Variants in BAZ1A observed in about 807,000 individuals in gnomAD.
BAZ1A encodes bromodomain adjacent to zinc finger domain 1A.
BAZ1A carries 50 observed loss-of-function variants against 185.2 expected under a neutral mutation model. That is an observed-to-expected ratio of 0.27 (90% CI 0.22 to 0.34). The LOEUF is 0.34. BAZ1A is among the 10% of genes least tolerant of loss of function. BAZ1A has a pLI of 1.00. For missense variants in BAZ1A, 1,356 were observed against 1,839.9 expected, an observed-to-expected ratio of 0.74 and a Z score of 4.81; for synonymous variants, 571 against 615.6, an observed-to-expected ratio of 0.93 and a Z score of 1.07.
chr14:34,820,679 A>C (rs1210942456), intron 4 of BAZ1A, among the ~76,000 whole-genome samples: 2 of 152,042 alleles, frequency 1.3e-5, no homozygotes, highest in East Asian at 1.9e-4. Context: ...CTTTTCTTCT[A>C]TCTTTTCTAG....
At chr14:34,775,562 C>G (rs368927846) in intron 18 of BAZ1A, among the ~76,000 whole-genome samples, 25 of 152,288 alleles carry the variant, frequency 1.6e-4, no homozygotes, top group African/African-American at 2.6e-4. Context: ...CAGCCAAAAC[C>G]CTTAATGAGT....
At chr14:34,754,090 T>C (rs1045916917) in intron 26 of BAZ1A, among the ~76,000 whole-genome samples, 1 of 147,778 alleles carries the variant, frequency 6.8e-6, no homozygotes, top group Admixed American at 6.8e-5. Flanking sequence ...CCATCTCTAC[T>C]AAAAATACAA....
At chr14:34,803,683 CA>C (rs1243356744) in intron 6 of BAZ1A, among the ~76,000 whole-genome samples, 3 of 152,086 alleles carry the variant, frequency 2.0e-5, no homozygotes, top group Admixed American at 6.6e-5. Context: ...ATATATTTAA[CA>C]TTAAAAATCT....
chr14:34,863,273 CCTGCCT>C (rs1822256086), intron 2 of BAZ1A, among the ~76,000 whole-genome samples: 1 of 149,022 alleles, frequency 6.7e-6, no homozygotes, highest in South Asian at 2.1e-4. Flanking sequence ...CAAGGATTCT[CCTGCCT>C]CAGCCTCCTT....
chr14:34,870,522 T>C (rs1313891900), intron 2 of BAZ1A, among the ~76,000 whole-genome samples: 1 of 152,222 alleles, frequency 6.6e-6, no homozygotes, highest in Non-Finnish European at 1.5e-5. Flanking sequence ...TGTTCTGATA[T>C]GTCCATTGAA....
intron 6 of BAZ1A, 44 bp downstream of exon 6, chr14:34,807,407 T>G: frequency 7.0e-7 from 1 of 1,418,530 alleles, no homozygotes; most frequent in Non-Finnish European, 9.8e-7. Flanking sequence ...ACACTACCCA[T>G]TTTGTTTTCT....
Position 34,783,796 on chromosome 14 carries a change from G to T in BAZ1A, c.1963C>A (p.Gln655Lys), listed in dbSNP as rs764995003. ...GCTTCTTCCCTCTCTTTTCGATGTTGTTCTGCTTTTAATTCCCGGAACTCC... is the reference window on the plus strand; with the variant it reads ...GCTTCTTCCCTCTCTTTTCGATGTTTTTCTGCTTTTAATTCCCGGAACTCC... ...KQEFRELKAEQHRKEREEAAA... is the reference protein window; with the variant it reads ...KQEFRELKAEKHRKEREEAAA... Residue 655 changes from glutamine (Q) to lysine (K), a missense_variant, in exon 15 of 27, where the codon CAA (glutamine) becomes AAA (lysine). This residue lies in a region of BAZ1A where 434 missense variants were observed against 561.7 expected (regional missense o/e 0.77). Transcript: ENST00000360310. 1 of 1,612,456 alleles carries T rather than the reference G, an allele frequency of 6.2e-7. No homozygotes were observed. The highest frequency in any genetic ancestry group is 2.2e-5 in the East Asian group (1 of 44,804).
At chr14:34,784,058 T>A in intron 14 of BAZ1A, 131 bp from the exon 15 acceptor site, 1 of 815,036 alleles carries the variant, frequency 1.2e-6, no homozygotes. Flanking sequence ...AACATGTCAA[T>A]GACATGTCTT....
chr14:34,848,288 A>T (rs2042545576), intron 3 of BAZ1A, among the ~76,000 whole-genome samples: 1 of 152,212 alleles, frequency 6.6e-6, no homozygotes, highest in South Asian at 2.1e-4. Flanking sequence ...CTTGATGCCT[A>T]AATTGATATC....
rs1274544524 is a variant in BAZ1A, at chr14:34,761,792, T to A, written c.4208A>T (p.Glu1403Val). 2.5e-6 allele frequency: 4 copies of A among 1,613,626 alleles called. No homozygotes were observed. Among genetic ancestry groups the A allele is most frequent in the Non-Finnish European group, 3.4e-6 (4 of 1,179,608 alleles). ...TCTTTTTCTGCATCTTCTTTTGGAT[T>A]CACTCTCTTGGAGAGAAAGTTTTGA... Reference protein sequence around the residue: ...IASKLSLQESESKRRCRKRQS... With the variant: ...IASKLSLQESVSKRRCRKRQS... Residue 1403 changes from glutamate to valine, a missense_variant, in exon 24 of 27, where the codon GAA becomes GTA. Transcript: ENST00000360310.
intron 4 of BAZ1A, among the ~76,000 whole-genome samples, chr14:34,820,517 T>C (rs1404518245): frequency 6.6e-6 from 1 of 152,246 alleles, no homozygotes; most frequent in Non-Finnish European, 1.5e-5. Context: ...CAAAACACTC[T>C]GTGGCTTGAC....
At chr14:34,801,814 C>T (rs1318119203) in intron 7 of BAZ1A, among the ~76,000 whole-genome samples, 2 of 149,640 alleles carry the variant, frequency 1.3e-5, no homozygotes, top group African/African-American at 4.9e-5. Flanking sequence ...GAGGCTGAGG[C>T]AGAACTGCTT....
At chr14:34,828,706 T>C (rs939265424) in intron 3 of BAZ1A, 7 of 152,240 alleles carry the variant, frequency 4.6e-5, no homozygotes, top group African/African-American at 1.7e-4. Flanking sequence ...TCTCCTCCTG[T>C]GTATCTTCAG....
At chr14:34,850,358 A>G (rs2042578856) in intron 3 of BAZ1A, among the ~76,000 whole-genome samples, 1 of 152,220 alleles carries the variant, frequency 6.6e-6, no homozygotes, top group Non-Finnish European at 1.5e-5. Context: ...AGCCTGGGCA[A>G]CAGGGCAAGA....
chr14:34,761,811 G>A lies in BAZ1A; in HGVS notation c.4189C>T (p.Leu1397Phe). 1 of 1,614,200 alleles carries A rather than the reference G, an allele frequency of 6.2e-7. No homozygotes were observed. The highest frequency in any genetic ancestry group is 8.5e-7 in the Non-Finnish European group (1 of 1,180,028). Residue 1397 changes from leucine (L) to phenylalanine (F), a missense_variant, in exon 24 of 27, where the codon CTT (leucine) becomes TTT (phenylalanine). Around this residue, in one of 7 missense-constraint regions of BAZ1A, gnomAD observed 309 missense variants for 355.3 expected, o/e 0.87. Coordinates refer to ENST00000360310, the MANE Select transcript of BAZ1A (RefSeq NM_013448.3). ...QSRSVNIASK[L>F]SLQESESKRR... ...TTGGATTCACTCTCTTGGAGAGAAAGTTTTGAAGCAATATTTACAGATCTT... is the reference window on the plus strand; with the variant it reads ...TTGGATTCACTCTCTTGGAGAGAAAATTTTGAAGCAATATTTACAGATCTT...
chr14:34,835,675 T>G lies in BAZ1A; in HGVS notation c.393-9519A>C, dbSNP rs573876914. ...ATAAGCTGAACATGGAAATAGTTTT[T>G]TTTTTTTTTTTCCTGAGACAGAGTT... On this transcript the variant is annotated intron_variant, in intron 3 of 26. Coordinates refer to ENST00000360310, the MANE Select transcript of BAZ1A (RefSeq NM_013448.3). Among the ~76,000 whole-genome samples, 350 of 151,744 alleles carry G rather than the reference T, an allele frequency of 2.3e-3. 8 individuals carry two copies. Among genetic ancestry groups the G allele is most frequent in the African/African-American group, 7.9e-3 (323 of 41,144 alleles).
In BAZ1A at chr14:34,784,374, A is replaced by C. The variant is rs1236769571; in HGVS notation, c.1832-447T>G. ...CTGAGTGAGACTCTGTCTCAAAAAA[A>C]AAAAAAAAAAAAAAAAAAAAAGGCA... On this transcript the variant is annotated intron_variant, in intron 14 of 26. Coordinates refer to ENST00000360310, the MANE Select transcript of BAZ1A (RefSeq NM_013448.3). Among the ~76,000 whole-genome samples, 416 of 77,792 alleles carry C rather than the reference A, an allele frequency of 5.3e-3. 3 individuals are homozygous for C. The highest frequency in any genetic ancestry group is 0.014 in the African/African-American group (398 of 28,434). The allele number at this position is 77,792 out of a possible 152,430, so 51.0% of individuals were successfully genotyped here. A position where few individuals can be genotyped will look rare whatever the true frequency, so the allele number is the denominator to read the frequency against.
At position 34,795,673 on chromosome 14, in the gene BAZ1A, A is replaced by G. The variant is rs768956461; in HGVS notation, c.1221T>C (p.Leu407=). Residue 407 remains leucine, a synonymous_variant, in exon 10 of 27, where the codon CTT becomes CTC. Transcript: ENST00000360310. ...KPREDMECDD[L]KELPEPTPVK... ...ACATCACATAACATGTTTATACCTT[A>G]AGGTCATCACATTCCATATCTTCTC... is the stretch of plus-strand genomic sequence containing the variant. The G allele has an allele frequency of 6.2e-7, 1 of 1,606,910 alleles. No homozygotes were observed. Among genetic ancestry groups the G allele is most frequent in the Non-Finnish European group, 8.5e-7 (1 of 1,175,784 alleles).
At chr14:34,801,851 A>G (rs112562212) in intron 7 of BAZ1A, among the ~76,000 whole-genome samples, 30,149 of 150,300 alleles carry the variant, frequency 0.2, 3,519 homozygotes, top group Non-Finnish European at 0.26. Context: ...GGTTGCAGTG[A>G]GCCAAGATCG....
Sources: gnomAD v4.1 joint callset for allele counts (sites outside exome capture counted in the v4.1 genomes callset) on GRCh38, gnomAD v4.1.1 for gene constraint, gnomAD v4.1.1 regional missense constraint, MANE v1.5 for transcripts, NCBI Gene and HGNC (gene_info 2026-07-23, HGNC 2026-07-21) for gene names.